Variants in SLC26A4 observed in about 807,000 individuals in gnomAD.
SLC26A4 encodes the protein solute carrier family 26 member 4.
In SLC26A4, 93 loss-of-function variants were observed where a neutral mutation model predicts 90.4. The ratio of observed to expected loss-of-function variants is 1.03; its 90% CI spans 0.87 to 1.22. The LOEUF is 1.22. Among genes scored for constraint, SLC26A4 ranks in the 50% most tolerant of loss-of-function variants. The pLI is 0.00. For missense variants in SLC26A4, 1,127 were observed against 946.2 expected, an observed-to-expected ratio of 1.19 and a Z score of -2.51; for synonymous variants, 393 against 354.6, an observed-to-expected ratio of 1.11 and a Z score of -1.22.
chr7:107,694,589 A>C (rs750655231), intron 11 of SLC26A4, 32 bp from the exon 12 acceptor site: 1 of 1,574,978 alleles, frequency 6.3e-7, no homozygotes, highest in Admixed American at 1.7e-5. Context: ...CCATTCCCTG[A>C]ATAACACAGC....
intron 4 of SLC26A4, 130 bp downstream of exon 4, chr7:107,672,378 G>C: frequency 1.7e-5 from 3 of 176,082 alleles, no homozygotes; most frequent in East Asian, 2.0e-4. Context: ...TTTTAATTGT[G>C]AAAACCGCAA....
intron 6 of SLC26A4, among the ~76,000 whole-genome samples, chr7:107,679,879 A>G (rs904579792): frequency 1.7e-5 from 2 of 115,194 alleles, no homozygotes; most frequent in Non-Finnish European, 3.3e-5. Flanking sequence ...CTTATATTAT[A>G]TAATCTTATC....
At chr7:107,693,481 A>G (rs1791636771) in intron 10 of SLC26A4, 5 of 985,402 alleles carry the variant, frequency 5.1e-6, no homozygotes, top group Middle Eastern at 5.2e-4. Flanking sequence ...TGCTCAACAA[A>G]ATCTTCCCAG....
rs182074482 is a variant in SLC26A4, at chr7:107,690,472, G to A, written c.1263+235G>A. Among the ~76,000 whole-genome samples the A allele has an allele frequency of 1.5e-4, 23 of 152,250 alleles. No homozygotes were observed. The East Asian group carries it at 3.5e-3, about 23-fold the overall frequency. On this transcript the variant is annotated intron_variant, in intron 10 of 20. Transcript: ENST00000644269. ...CAAATCTATTTGTCAGTGCTTACCTGTCATGTAGCTACACTTACCTGCTGT... is the reference window on the plus strand; with the variant it reads ...CAAATCTATTTGTCAGTGCTTACCTATCATGTAGCTACACTTACCTGCTGT...
chr7:107,703,930 G>C (rs960794564), intron 17 of SLC26A4, among the ~76,000 whole-genome samples: 3 of 152,176 alleles, frequency 2.0e-5, no homozygotes, highest in African/African-American at 7.2e-5. Context: ...TAAAATCACA[G>C]TAGGACACTG....
At chr7:107,700,316 C>A in intron 15 of SLC26A4, 141 bp downstream of exon 15, 1 of 632,910 alleles carries the variant, frequency 1.6e-6, no homozygotes, top group Non-Finnish European at 2.8e-6. Flanking sequence ...TAAAATATAA[C>A]ATCCTTGCCT....
At chr7:107,672,290 A>G (rs1473617463) in intron 4 of SLC26A4, 42 bp downstream of exon 4, 40 of 1,346,948 alleles carry the variant, frequency 3.0e-5, no homozygotes, top group Non-Finnish European at 3.9e-5. Context: ...GCTCATGTTT[A>G]AAGTGTTTTG....
intron 6 of SLC26A4, among the ~76,000 whole-genome samples, chr7:107,680,984 T>A (rs1342198124): frequency 1.3e-5 from 2 of 152,194 alleles, no homozygotes. Flanking sequence ...ACAGCAATGA[T>A]AACCTTCAAG....
At chr7:107,670,618 T>A (rs1175862326) in intron 3 of SLC26A4, among the ~76,000 whole-genome samples, 1 of 152,296 alleles carries the variant, frequency 6.6e-6, no homozygotes, top group East Asian at 1.9e-4. Flanking sequence ...CATAACTTAG[T>A]TAACCACTTC....
At chr7:107,680,231 CTTA>C (rs919386800) in intron 6 of SLC26A4, among the ~76,000 whole-genome samples, 13 of 123,970 alleles carry the variant, frequency 1.0e-4, no homozygotes, top group Non-Finnish European at 2.1e-4. Flanking sequence ...ATAATCTTAA[CTTA>C]TTATATAATA....
intron 10 of SLC26A4, chr7:107,691,860 G>T (rs1025573552): frequency 1.7e-6 from 2 of 1,204,584 alleles, no homozygotes; most frequent in African/African-American, 3.2e-5. Context: ...GAGATCTGTG[G>T]TCAAGGGGAA....
chr7:107,697,967 A>G (rs1791785132), intron 13 of SLC26A4, 75 bp from the exon 14 acceptor site: 1 of 886,132 alleles, frequency 1.1e-6, no homozygotes, highest in Non-Finnish European at 1.9e-6. Context: ...GCTCTTTAGT[A>G]GCTGTTGTTT....
intron 8 of SLC26A4, among the ~76,000 whole-genome samples, chr7:107,686,933 G>T (rs777943735): frequency 2.9e-4 from 44 of 152,276 alleles, no homozygotes; most frequent in Middle Eastern, 3.4e-3. Context: ...TGGCACAGGG[G>T]CAAAGCCAAC....
chr7:107,684,293 G>A (rs768628647), intron 8 of SLC26A4, among the ~76,000 whole-genome samples: 2 of 152,118 alleles, frequency 1.3e-5, no homozygotes, highest in Non-Finnish European at 2.9e-5. Flanking sequence ...GACTAGACTT[G>A]CTGTTAATCA....
chr7:107,695,595 G>A (rs1791713827), intron 12 of SLC26A4, among the ~76,000 whole-genome samples: 1 of 152,128 alleles, frequency 6.6e-6, no homozygotes, highest in African/African-American at 2.4e-5. Context: ...TTGAGCTCAG[G>A]AATTTGAGAC....
rs1584330998 is a variant in SLC26A4 at position 107,695,783 on chromosome 7, A to C, written c.1438-150A>C. 8 of 629,790 alleles carry C rather than the reference A, an allele frequency of 1.3e-5. No individual in the cohort carries two copies. The East Asian group carries it at 2.3e-4, about 18-fold the overall frequency. The allele number at this position is 629,790 out of a possible 1,614,324, so 39.0% of individuals were successfully genotyped here. ...AACTATCATGGTGCCACTGCACTCCAGCCTGGGCAATAGAGTGTGACCCTA... is the reference window on the plus strand; with the variant it reads ...AACTATCATGGTGCCACTGCACTCCCGCCTGGGCAATAGAGTGTGACCCTA... On this transcript the variant is annotated intron_variant, in intron 12 of 20. Coordinates refer to ENST00000644269, the MANE Select transcript of SLC26A4 (RefSeq NM_000441.2).
At chr7:107,685,344 G>A (rs1791366770) in intron 8 of SLC26A4, among the ~76,000 whole-genome samples, 1 of 152,158 alleles carries the variant, frequency 6.6e-6, no homozygotes, top group Non-Finnish European at 1.5e-5. Flanking sequence ...AAGAAAGGGA[G>A]TGGAGAGATT....
At chr7:107,682,242 T>G (rs1791260943) in intron 6 of SLC26A4, among the ~76,000 whole-genome samples, 1 of 151,812 alleles carries the variant, frequency 6.6e-6, no homozygotes, top group Non-Finnish European at 1.5e-5. Flanking sequence ...GACGAGTTAA[T>G]GGGTGCAGTA....
intron 6 of SLC26A4, among the ~76,000 whole-genome samples, chr7:107,680,168 TTATCTTATTA>T (rs1290616392): frequency 8.4e-6 from 1 of 119,052 alleles, no homozygotes; most frequent in African/African-American, 4.0e-5. Flanking sequence ...TAATATAATC[TTATCTTATTA>T]TATAATATAA....
Sources: gnomAD v4.1 joint callset for allele counts (sites outside exome capture counted in the v4.1 genomes callset) on GRCh38, gnomAD v4.1.1 for gene constraint, MANE v1.5 for transcripts, NCBI Gene and HGNC (gene_info 2026-07-23, HGNC 2026-07-21) for gene names.